The following BRINP3 variants were observed in gnomAD, a reference collection of about 807,000 sequenced individuals.
BRINP3 encodes the protein BMP/retinoic acid inducible neural specific 3.
Under a neutral mutation model 71.0 loss-of-function variants are expected in BRINP3, and 19 were observed. That is an observed-to-expected ratio of 0.27 (90% CI 0.19 to 0.39). The LOEUF (loss-of-function observed/expected upper bound fraction) is 0.39, where lower values mean the gene tolerates loss of function less well. BRINP3 is among the 10% of genes least tolerant of loss of function. BRINP3 has a pLI of 1.00. For synonymous variants in BRINP3, 380 were observed against 337.7 expected (o/e 1.13, Z -1.37); for missense variants, 959 against 940.8 (o/e 1.02, Z -0.25).
At chr1:190,290,719 C>A (rs1015520921) in intron 2 of BRINP3, among the ~76,000 whole-genome samples, 5 of 152,062 alleles carry the variant, frequency 3.3e-5, no homozygotes, top group Non-Finnish European at 7.4e-5. Context: ...CTTTTTATCT[C>A]CTTGTGATAA....
At position 190,402,228 on chromosome 1, in the gene BRINP3, C is replaced by T. The variant is rs184936076; in HGVS notation, c.236+52427G>A. On this transcript the variant is annotated intron_variant, in intron 2 of 7. Coordinates refer to ENST00000367462, the MANE Select transcript of BRINP3 (RefSeq NM_199051.3). ...TATTTTTTCCTCAAAATGGAATTTA[C>T]AGAAATTGAAGTAATATATTTTTAT... Among the ~76,000 whole-genome samples the T allele has an allele frequency of 3.9e-5, 6 of 152,096 alleles. No individual in the cohort carries two copies. The East Asian group carries it at 9.6e-4, about 24-fold the overall frequency.
chr1:190,331,782 G>C (rs1007155510), intron 2 of BRINP3, among the ~76,000 whole-genome samples: 3 of 149,860 alleles, frequency 2.0e-5, no homozygotes, highest in Non-Finnish European at 4.4e-5. Context: ...ACTTATATTT[G>C]AATCATTAAT....
intron 7 of BRINP3, among the ~76,000 whole-genome samples, chr1:190,133,112 C>G (rs1654675252): frequency 6.6e-6 from 1 of 152,000 alleles, no homozygotes; most frequent in Admixed American, 6.6e-5. Flanking sequence ...TCCCCAAATC[C>G]TGACCCCCAG....
At chr1:190,381,927 A>G in intron 2 of BRINP3, among the ~76,000 whole-genome samples, 1 of 152,184 alleles carries the variant, frequency 6.6e-6, no homozygotes, top group East Asian at 1.9e-4. Context: ...AATCCTCTGG[A>G]TAAAGCTTAA....
chr1:190,225,537 T>G (rs1183541226), intron 6 of BRINP3, among the ~76,000 whole-genome samples: 1 of 151,934 alleles, frequency 6.6e-6, no homozygotes, highest in Non-Finnish European at 1.5e-5. Flanking sequence ...AATGTATTTA[T>G]TAAGTGTGCT....
At chr1:190,318,315 A>C (rs1405593550) in intron 2 of BRINP3, among the ~76,000 whole-genome samples, 4 of 152,088 alleles carry the variant, frequency 2.6e-5, no homozygotes, top group African/African-American at 9.7e-5. Context: ...GGGGCATGTA[A>C]TGATTCTTGA....
chr1:190,315,701 C>T (rs2103036431), intron 2 of BRINP3, among the ~76,000 whole-genome samples: 1 of 152,214 alleles, frequency 6.6e-6, no homozygotes, highest in Non-Finnish European at 1.5e-5. Context: ...CATAACTCTG[C>T]TAGATCCAAA....
At chr1:190,156,773 A>G (rs1050178389) in intron 7 of BRINP3, among the ~76,000 whole-genome samples, 5 of 152,182 alleles carry the variant, frequency 3.3e-5, no homozygotes, top group East Asian at 1.9e-4. Flanking sequence ...TATTTAATTT[A>G]GAAGTTTTGG....
intron 4 of BRINP3, among the ~76,000 whole-genome samples, chr1:190,263,419 T>C (rs1661363150): frequency 6.6e-6 from 1 of 152,100 alleles, no homozygotes; most frequent in East Asian, 1.9e-4. Context: ...CATCATCTAC[T>C]AGCAACATTA....
intron 1 of BRINP3, among the ~76,000 whole-genome samples, chr1:190,458,423 C>G (rs1697592): frequency 0.61 from 91,933 of 151,844 alleles, 28,436 homozygotes; most frequent in Non-Finnish European, 0.67. Flanking sequence ...CTAAGGCAAG[C>G]ATGTAAGCTT....
At chr1:190,345,900 C>T (rs1667993642) in intron 2 of BRINP3, among the ~76,000 whole-genome samples, 1 of 151,912 alleles carries the variant, frequency 6.6e-6, no homozygotes, top group East Asian at 1.9e-4. Flanking sequence ...TAGAAAGATG[C>T]ATCCTCTCTG....
At chr1:190,175,043 T>C (rs1020828760) in intron 6 of BRINP3, among the ~76,000 whole-genome samples, 8 of 152,136 alleles carry the variant, frequency 5.3e-5, no homozygotes, top group Non-Finnish European at 4.4e-5. Flanking sequence ...TGATACTGCA[T>C]GGCCTGAGAG....
intron 7 of BRINP3, among the ~76,000 whole-genome samples, chr1:190,148,761 CAT>C (rs1237217491): frequency 1.3e-5 from 2 of 151,962 alleles, no homozygotes; most frequent in African/African-American, 4.8e-5. Context: ...ATTTAGTAAT[CAT>C]ATTTTTATCT....
At chr1:190,197,454 G>T (rs1654588520) in intron 6 of BRINP3, among the ~76,000 whole-genome samples, 1 of 152,114 alleles carries the variant, frequency 6.6e-6, no homozygotes, top group South Asian at 2.1e-4. Context: ...CCATCTATGA[G>T]GCTGTAAAAT....
intron 2 of BRINP3, among the ~76,000 whole-genome samples, chr1:190,288,941 A>T (rs1268123724): frequency 2.0e-5 from 3 of 151,920 alleles, no homozygotes; most frequent in African/African-American, 7.2e-5. Flanking sequence ...GTTTGCTGAC[A>T]ATTTCTTCAA....
intron 2 of BRINP3, among the ~76,000 whole-genome samples, chr1:190,416,213 C>A (rs1419087366): frequency 6.6e-6 from 1 of 152,104 alleles, no homozygotes; most frequent in East Asian, 1.9e-4. Flanking sequence ...TCCTCCACAC[C>A]CATATTAGGT....
intron 2 of BRINP3, among the ~76,000 whole-genome samples, chr1:190,375,758 G>A (rs547554571): frequency 8.6e-5 from 13 of 151,848 alleles, no homozygotes; most frequent in African/African-American, 2.4e-4. Context: ...TTTTATTCTC[G>A]TAATAATGAC....
intron 4 of BRINP3, among the ~76,000 whole-genome samples, chr1:190,255,026 A>T (rs915821045): frequency 6.7e-6 from 1 of 149,246 alleles, no homozygotes; most frequent in African/African-American, 2.5e-5. Flanking sequence ...CAATTGAGAT[A>T]ATCATGTGGT....
At chr1:190,299,842 T>G (rs1240408920) in intron 2 of BRINP3, among the ~76,000 whole-genome samples, 1 of 152,052 alleles carries the variant, frequency 6.6e-6, no homozygotes, top group African/African-American at 2.4e-5. Context: ...AATTCTGGGT[T>G]GAAAATTCTT....
Sources: allele counts gnomAD v4.1 joint callset (sites outside exome capture counted in the v4.1 genomes callset), GRCh38; gene constraint gnomAD v4.1.1; transcripts MANE v1.5; gene names NCBI Gene and HGNC (gene_info 2026-07-23, HGNC 2026-07-21).